Variants in ZNF407 observed in about 807,000 individuals in gnomAD.
ZNF407 encodes the protein zinc finger protein 407.
In ZNF407, 17 loss-of-function variants were observed where a neutral mutation model predicts 131.2. The observed-to-expected ratio is 0.13, with a 90% CI of 0.09 to 0.19. ZNF407 has a LOEUF of 0.19. ZNF407 is among the 10% of genes least tolerant of loss of function. The probability of loss-of-function intolerance (pLI) is 1.00; values close to 1 mark genes in which losing one functional copy is unlikely to be tolerated. For missense variants in ZNF407, 2,681 were observed against 2,830.6 expected (o/e 0.95, Z 1.20); for synonymous variants, 1,156 against 1,062.0 (o/e 1.09, Z -1.72).
chr18:74,895,132 A>G (rs951959040), intron 7 of ZNF407, among the ~76,000 whole-genome samples: 2 of 150,368 alleles, frequency 1.3e-5, no homozygotes, highest in Non-Finnish European at 3.0e-5. Flanking sequence ...CACTTTGGGT[A>G]TTTTTCCCCC....
At chr18:75,039,491 C>T (rs1252490772) in intron 8 of ZNF407, among the ~76,000 whole-genome samples, 2 of 152,190 alleles carry the variant, frequency 1.3e-5, no homozygotes, top group Admixed American at 6.5e-5. Flanking sequence ...TATTACTGCA[C>T]AGTAACGGTG....
At chr18:74,660,310 G>C (rs1276184456) in intron 3 of ZNF407, among the ~76,000 whole-genome samples, 1 of 152,046 alleles carries the variant, frequency 6.6e-6, no homozygotes, top group African/African-American at 2.4e-5. Flanking sequence ...GCTTTTCTTG[G>C]TTAAAATGAC....
intron 1 of ZNF407, among the ~76,000 whole-genome samples, chr18:74,623,848 C>T (rs974886762): frequency 1.3e-4 from 20 of 151,890 alleles, no homozygotes; most frequent in African/African-American, 4.3e-4. Flanking sequence ...TGTTGACAGT[C>T]AAGGAACAAC....
chr18:74,664,758 T>C (rs1044221839), intron 3 of ZNF407, among the ~76,000 whole-genome samples: 1 of 152,122 alleles, frequency 6.6e-6, no homozygotes, highest in African/African-American at 2.4e-5. Flanking sequence ...TTACCCTCTC[T>C]TATAGCATAG....
chr18:74,998,384 C>T (rs557633987), intron 8 of ZNF407, among the ~76,000 whole-genome samples: 1 of 152,298 alleles, frequency 6.6e-6, no homozygotes, highest in Admixed American at 6.5e-5. Flanking sequence ...GGGAAGGTCC[C>T]CTGTCCTATC....
rs1241020841 is a variant in ZNF407 at position 75,063,506 on chromosome 18, A to C, written c.5785A>C (p.Ile1929Leu). The C allele has an allele frequency of 1.9e-6, 3 of 1,587,468 alleles. No individual in the cohort carries two copies. The highest frequency in any genetic ancestry group is 1.8e-5 in the Admixed American group (1 of 56,128). The change falls in exon 9 of 9, where the codon ATC becomes CTC. Residue 1929 changes from isoleucine (I) to leucine (L), a missense_variant. Physicochemically the swap from Ile to Leu is conservative, Grantham distance 5 (BLOSUM62 2). This residue lies in a region of ZNF407 where 620 missense variants were observed against 583.1 expected (regional missense o/e 1.06). Coordinates refer to ENST00000299687, the MANE Select transcript of ZNF407 (RefSeq NM_017757.3). The surrounding 1 kb of genome is among the most constrained non-coding windows in gnomAD (Gnocchi z 6.6). ...TGTAGGCAGCGTGGTGCCCGGACCCATCCTCCCCGAGCAGCTGGCTGATGG... is the reference window on the plus strand; with the variant it reads ...TGTAGGCAGCGTGGTGCCCGGACCCCTCCTCCCCGAGCAGCTGGCTGATGG... ...AHVGSVVPGP[I>L]LPEQLADGAT...
chr18:75,015,592 A>T (rs987592744), intron 8 of ZNF407, among the ~76,000 whole-genome samples: 1 of 148,536 alleles, frequency 6.7e-6, no homozygotes, highest in Non-Finnish European at 1.5e-5. Context: ...ATATATATAT[A>T]TATATTTCAC....
chr18:74,942,039 G>T (rs1050270897), intron 8 of ZNF407, among the ~76,000 whole-genome samples: 6 of 152,296 alleles, frequency 3.9e-5, no homozygotes, highest in Middle Eastern at 6.8e-3. Context: ...CTGTGGTGTG[G>T]ATCTGATGGC....
At chr18:74,929,237 C>T (rs1346433359) in intron 8 of ZNF407, among the ~76,000 whole-genome samples, 2 of 152,130 alleles carry the variant, frequency 1.3e-5, no homozygotes, top group African/African-American at 2.4e-5. Flanking sequence ...TGATTCGAGC[C>T]GCGCCAGCGC....
rs548895550 is a variant in ZNF407 at position 74,830,409 on chromosome 18, A to G, written c.4878-46788A>G. On this transcript the variant is annotated intron_variant, in intron 4 of 8. Coordinates refer to ENST00000299687, the MANE Select transcript of ZNF407 (RefSeq NM_017757.3). ...GTGGCTCTCCCACCTCAGCCCCCTG[A>G]GTAGCTGTGACTACAGGACCACGCC... Among the ~76,000 whole-genome samples the G allele has an allele frequency of 3.9e-5, 6 of 152,210 alleles. No homozygotes were observed. The South Asian group carries it at 1.2e-3, about 32-fold the overall frequency.
At chr18:74,876,694 A>G (rs897016372) in intron 4 of ZNF407, among the ~76,000 whole-genome samples, 1 of 152,188 alleles carries the variant, frequency 6.6e-6, no homozygotes, top group Non-Finnish European at 1.5e-5. Flanking sequence ...GGTCACACAG[A>G]AGGACCCCTG....
At chr18:74,648,878 A>G (rs1985095257) in intron 3 of ZNF407, among the ~76,000 whole-genome samples, 1 of 152,160 alleles carries the variant, frequency 6.6e-6, no homozygotes, top group African/African-American at 2.4e-5. Context: ...CTGTGTAGTA[A>G]TCTACTTACT....
chr18:74,722,383 A>G (rs1968059599), intron 3 of ZNF407, among the ~76,000 whole-genome samples: 1 of 152,026 alleles, frequency 6.6e-6, no homozygotes. Flanking sequence ...CTGGTTTTTC[A>G]TTTATAGAAT....
At chr18:74,983,193 G>A (rs544804515) in intron 8 of ZNF407, among the ~76,000 whole-genome samples, 3 of 152,024 alleles carry the variant, frequency 2.0e-5, no homozygotes, top group Admixed American at 2.0e-4. Flanking sequence ...TCAGTTTTGC[G>A]ATTTGAGTAG....
chr18:74,817,911 G>A (rs1599174227), intron 4 of ZNF407, among the ~76,000 whole-genome samples: 1 of 152,320 alleles, frequency 6.6e-6, no homozygotes, highest in South Asian at 2.1e-4. Context: ...CTCAACCTGA[G>A]TGAGGTAGAA....
At chr18:74,942,384 G>A (rs1972109515) in intron 8 of ZNF407, among the ~76,000 whole-genome samples, 1 of 152,130 alleles carries the variant, frequency 6.6e-6, no homozygotes, top group Non-Finnish European at 1.5e-5. Flanking sequence ...AAAGATTGAT[G>A]CCAAACATGG....
intron 3 of ZNF407, among the ~76,000 whole-genome samples, chr18:74,713,222 A>G (rs1967808218): frequency 2.6e-5 from 4 of 152,172 alleles, no homozygotes; most frequent in African/African-American, 9.7e-5. Flanking sequence ...GGGGTTTGGA[A>G]TAAAGGAACT....
At chr18:75,054,957 G>A (rs866841451) in intron 8 of ZNF407, among the ~76,000 whole-genome samples, 3 of 152,194 alleles carry the variant, frequency 2.0e-5, no homozygotes, top group Admixed American at 6.5e-5. Context: ...GCTCACACAC[G>A]TGTCGGCACA....
intron 4 of ZNF407, among the ~76,000 whole-genome samples, chr18:74,816,989 T>A (rs1970276413): frequency 6.6e-6 from 1 of 152,182 alleles, no homozygotes; most frequent in Admixed American, 6.5e-5. Context: ...AATCTTGTTG[T>A]TATTTTATGT....
Sources: allele counts gnomAD v4.1 joint callset (sites outside exome capture counted in the v4.1 genomes callset), GRCh38; gene constraint gnomAD v4.1.1; regional missense constraint gnomAD v4.1.1; non-coding constraint Gnocchi (gnomAD v3.1); transcripts MANE v1.5; gene names NCBI Gene and HGNC (gene_info 2026-07-23, HGNC 2026-07-21).